CEP112: variants seen among roughly 807,000 people sequenced by gnomAD.
CEP112 encodes centrosomal protein 112.
CEP112 carries 127 observed loss-of-function variants against 153.0 expected under a neutral mutation model. That is an observed-to-expected ratio of 0.83 (90% CI 0.72 to 0.96). The LOEUF (loss-of-function observed/expected upper bound fraction) is 0.96. Among genes scored for constraint, CEP112 ranks in the 40% least tolerant of loss-of-function variants. The pLI is 0.00. For missense variants in CEP112, 1,089 were observed against 1,101.2 expected (o/e 0.99, Z 0.16); for synonymous variants, 358 against 374.4 (o/e 0.96, Z 0.51).
intron 24 of CEP112, among the ~76,000 whole-genome samples, chr17:65,686,557 G>T (rs570816454): frequency 6.6e-6 from 1 of 152,310 alleles, no homozygotes; most frequent in Admixed American, 6.5e-5. Flanking sequence ...CCTTTAAGAA[G>T]CTTGTCTCTT....
intron 4 of CEP112, among the ~76,000 whole-genome samples, chr17:66,168,749 C>T (rs528634463): frequency 3.7e-4 from 56 of 152,242 alleles, no homozygotes; most frequent in Middle Eastern, 6.8e-3. Context: ...CACATCCTTA[C>T]CATTCCTGTC....
chr17:65,981,108 G>A (rs984286371), intron 17 of CEP112, among the ~76,000 whole-genome samples: 2 of 152,020 alleles, frequency 1.3e-5, no homozygotes, highest in African/African-American at 2.4e-5. Context: ...GAGCCACCAC[G>A]CCCGGCCATC....
At chr17:65,883,750 AG>A (rs1224925285) in intron 20 of CEP112, among the ~76,000 whole-genome samples, 1 of 152,218 alleles carries the variant, frequency 6.6e-6, no homozygotes, top group African/African-American at 2.4e-5. Context: ...ATTTTGAAAA[AG>A]ATCATCATGT....
chr17:66,165,106 C>T (rs2071896108), intron 4 of CEP112, among the ~76,000 whole-genome samples: 1 of 150,602 alleles, frequency 6.6e-6, no homozygotes, highest in African/African-American at 2.5e-5. Context: ...GCACCAGCAC[C>T]CAAGCCCTAG....
chr17:65,687,789 C>G (rs918496868), intron 24 of CEP112, among the ~76,000 whole-genome samples: 24 of 152,242 alleles, frequency 1.6e-4, no homozygotes, highest in Middle Eastern at 3.4e-3. Flanking sequence ...GAAAACCTTC[C>G]CTATCAGCCT....
rs2056678741 is a variant in CEP112 at position 65,823,250 on chromosome 17, T to A, written c.2394+28554A>T. On this transcript the variant is annotated intron_variant, in intron 21 of 26. Coordinates refer to ENST00000535342, the MANE Select transcript of CEP112 (RefSeq NM_001199165.4). ...AAAATGATCTTGAAAAAGATCAGTG[T>A]TGGACAACTTATACTACCTATCTCT... is the stretch of plus-strand genomic sequence containing the variant. 1.3e-5 allele frequency among the ~76,000 whole-genome samples: 2 copies of A among 152,106 alleles called. 1 individual carries two copies. Among genetic ancestry groups the A allele is most frequent in the South Asian group, 4.1e-4 (2 of 4,832 alleles).
At chr17:65,800,887 T>A (rs1343439199) in intron 21 of CEP112, among the ~76,000 whole-genome samples, 1 of 152,236 alleles carries the variant, frequency 6.6e-6, no homozygotes, top group Non-Finnish European at 1.5e-5. Flanking sequence ...GTGGTGTTGA[T>A]CTGCTTACTG....
At chr17:65,692,300 C>T (rs1405983406) in intron 23 of CEP112, among the ~76,000 whole-genome samples, 1 of 148,432 alleles carries the variant, frequency 6.7e-6, no homozygotes, top group East Asian at 2.0e-4. Context: ...ACAATCTCGA[C>T]TCATTGCGAC....
chr17:65,963,656 G>A (rs1013297656), intron 17 of CEP112, among the ~76,000 whole-genome samples: 3 of 147,284 alleles, frequency 2.0e-5, no homozygotes, highest in African/African-American at 7.9e-5. Context: ...TATCGATATA[G>A]ATATAGATAT....
At chr17:66,035,277 G>T (rs1054134821) in intron 12 of CEP112, among the ~76,000 whole-genome samples, 16 of 151,988 alleles carry the variant, frequency 1.1e-4, no homozygotes, top group African/African-American at 3.9e-4. Context: ...AGAGGACGTG[G>T]TTCCTGTTCA....
chr17:66,088,260 C>T (rs968775356), intron 8 of CEP112, among the ~76,000 whole-genome samples: 2 of 151,658 alleles, frequency 1.3e-5, no homozygotes, highest in African/African-American at 2.4e-5. Context: ...CCTAATTTGG[C>T]ACAATGCAAG....
At chr17:65,831,099 T>C (rs897813074) in intron 21 of CEP112, among the ~76,000 whole-genome samples, 1 of 152,106 alleles carries the variant, frequency 6.6e-6, no homozygotes, top group African/African-American at 2.4e-5. Context: ...GTGCATAAAA[T>C]AGAGAAAGTG....
At chr17:65,658,959 T>A (rs2143780517) in intron 24 of CEP112, among the ~76,000 whole-genome samples, 1 of 130,048 alleles carries the variant, frequency 7.7e-6, no homozygotes, top group Non-Finnish European at 1.5e-5. Flanking sequence ...TCAGTTGCAG[T>A]GAGCCAAGAT....
chr17:65,779,849 C>A (rs1376190049), intron 21 of CEP112, among the ~76,000 whole-genome samples: 1 of 152,054 alleles, frequency 6.6e-6, no homozygotes, highest in Non-Finnish European at 1.5e-5. Context: ...TATCAATACC[C>A]CTATTTACTA....
At chr17:65,799,316 G>A (rs2055122461) in intron 21 of CEP112, among the ~76,000 whole-genome samples, 2 of 152,154 alleles carry the variant, frequency 1.3e-5, no homozygotes, top group Admixed American at 6.6e-5. Context: ...ACGGAGCTGG[G>A]AATGTAAGCT....
intron 24 of CEP112, among the ~76,000 whole-genome samples, chr17:65,668,286 A>G (rs2046799954): frequency 6.6e-6 from 1 of 152,118 alleles, no homozygotes; most frequent in South Asian, 2.1e-4. Context: ...TTGGCTTGTA[A>G]ACAATTCACA....
At chr17:65,738,484 C>T (rs1055445701) in intron 23 of CEP112, among the ~76,000 whole-genome samples, 5 of 152,074 alleles carry the variant, frequency 3.3e-5, no homozygotes, top group Non-Finnish European at 5.9e-5. Flanking sequence ...CAAAAAAAAT[C>T]AATAGTATTC....
Position 66,138,627 on chromosome 17 carries a change from T to G in CEP112, c.471-5864A>C, listed in dbSNP as rs564079003. 4.7e-4 allele frequency among the ~76,000 whole-genome samples: 72 copies of G among 152,276 alleles called. No individual in the cohort carries two copies. The South Asian group carries it at 6.0e-3, about 13-fold the overall frequency. On this transcript the variant is annotated intron_variant, in intron 4 of 26. Transcript: ENST00000535342. ...TGCAATCGAAGTTATCAGCTTAAAA[T>G]AGGTTGTTACAACTATAAGATGATT... is the stretch of plus-strand genomic sequence containing the variant.
intron 23 of CEP112, among the ~76,000 whole-genome samples, chr17:65,705,484 T>C (rs2144647000): frequency 6.6e-6 from 1 of 152,340 alleles, no homozygotes; most frequent in East Asian, 1.9e-4. Context: ...GTCTCACCTT[T>C]TACGGCACTT....
Sources: allele counts gnomAD v4.1 joint callset (sites outside exome capture counted in the v4.1 genomes callset), GRCh38; gene constraint gnomAD v4.1.1; transcripts MANE v1.5; gene names NCBI Gene and HGNC (gene_info 2026-07-23, HGNC 2026-07-21).